ZMYND11: variants seen among roughly 807,000 people sequenced by gnomAD.
ZMYND11 encodes zinc finger MYND-type containing 11.
Under a neutral mutation model 84.9 loss-of-function variants are expected in ZMYND11, and 9 were observed. The ratio of observed to expected loss-of-function variants is 0.11; its 90% CI spans 0.06 to 0.18. The LOEUF is 0.18. Among genes scored for constraint, ZMYND11 ranks in the 10% least tolerant of loss-of-function variants. The pLI is 1.00. For missense variants in ZMYND11, 409 were observed against 761.0 expected, an observed-to-expected ratio of 0.54 and a Z score of 5.44; for synonymous variants, 250 against 244.1, an observed-to-expected ratio of 1.02 and a Z score of -0.23.
chr10:192,040 C>G (rs1348121902), intron 2 of ZMYND11, among the ~76,000 whole-genome samples: 1 of 152,164 alleles, frequency 6.6e-6, no homozygotes, highest in Non-Finnish European at 1.5e-5. Context: ...CATAGATATG[C>G]AAATCGAGAT....
intron 2 of ZMYND11, among the ~76,000 whole-genome samples, chr10:200,718 A>C (rs1039175805): frequency 1.9e-4 from 29 of 152,170 alleles, no homozygotes; most frequent in Admixed American, 3.9e-4. Context: ...TGCTTTCAAT[A>C]GCAGTGTGTT....
intron 2 of ZMYND11, among the ~76,000 whole-genome samples, chr10:188,571 A>G (rs1034427111): frequency 3.4e-5 from 5 of 146,910 alleles, no homozygotes; most frequent in Non-Finnish European, 7.5e-5. Flanking sequence ...CGGCCTGGGC[A>G]ACAGAGTGAG....
chr10:170,947 C>G (rs1564310594), intron 1 of ZMYND11, among the ~76,000 whole-genome samples: 1 of 151,918 alleles, frequency 6.6e-6, no homozygotes, highest in Non-Finnish European at 1.5e-5. Flanking sequence ...CTGCCAGAAA[C>G]CCACTTTAAA....
At chr10:196,447 A>C (rs570089194) in intron 2 of ZMYND11, among the ~76,000 whole-genome samples, 1 of 152,322 alleles carries the variant, frequency 6.6e-6, no homozygotes, top group African/African-American at 2.4e-5. Context: ...TAATCGAGTT[A>C]AAAATGAAAA....
rs146234855 is a variant in ZMYND11, at chr10:156,550, T to G, written c.-20+20991T>G. On this transcript the variant is annotated intron_variant, in intron 1 of 14. Coordinates refer to ENST00000381604, the MANE Select transcript of ZMYND11 (RefSeq NM_001370100.5). ...TTTTTCTTCTGTTCATGTGATTAAT[T>G]TCTTAGCATAAATATGCTATATGCT... Among the ~76,000 whole-genome samples the G allele has an allele frequency of 7.2e-5, 11 of 152,348 alleles. No homozygotes were observed. The East Asian group carries it at 2.1e-3, about 29-fold the overall frequency.
chr10:158,984 G>GTTTTTTTTTTTTTT (rs376931420), intron 1 of ZMYND11, among the ~76,000 whole-genome samples: 1 of 40,024 alleles, frequency 2.5e-5, no homozygotes, highest in Non-Finnish European at 5.2e-5. Flanking sequence ...AGGGTTTTTT[G>GTTTTTTTTTTTTTT]TTTTTTGTTT....
intron 2 of ZMYND11, among the ~76,000 whole-genome samples, chr10:208,236 G>A (rs1480505122): frequency 2.0e-5 from 3 of 152,132 alleles, no homozygotes; most frequent in Non-Finnish European, 4.4e-5. Flanking sequence ...CATAGGCATG[G>A]GCAAGGACTT....
chr10:227,313 T>C (rs936193729), intron 4 of ZMYND11, among the ~76,000 whole-genome samples: 1 of 152,150 alleles, frequency 6.6e-6, no homozygotes, highest in African/African-American at 2.4e-5. Context: ...GAATGATACA[T>C]GTTTTGCAGG....
chr10:242,449 A>G (rs1951187974), intron 10 of ZMYND11, among the ~76,000 whole-genome samples: 1 of 152,140 alleles, frequency 6.6e-6, no homozygotes, highest in African/African-American at 2.4e-5. Flanking sequence ...TAATGGAATT[A>G]CCATTACCAT....
intron 1 of ZMYND11, among the ~76,000 whole-genome samples, chr10:153,633 C>T (rs782692074): frequency 2.6e-5 from 4 of 152,158 alleles, no homozygotes; most frequent in Admixed American, 1.3e-4. Flanking sequence ...GCAAAGATTA[C>T]ATACTTTATT....
At chr10:197,883 T>C (rs1942182772) in intron 2 of ZMYND11, 1 of 566,472 alleles carries the variant, frequency 1.8e-6, no homozygotes, top group African/African-American at 1.9e-5. Context: ...AAAGTGACTA[T>C]CAAACTTACA....
At chr10:212,345 A>G (rs1270017511) in intron 3 of ZMYND11, among the ~76,000 whole-genome samples, 1 of 152,090 alleles carries the variant, frequency 6.6e-6, no homozygotes, top group Non-Finnish European at 1.5e-5. Flanking sequence ...TGTAAACCAA[A>G]CATATAGTAT....
intron 1 of ZMYND11, among the ~76,000 whole-genome samples, chr10:165,453 C>G (rs1441408387): frequency 6.6e-6 from 1 of 152,118 alleles, no homozygotes; most frequent in Non-Finnish European, 1.5e-5. Flanking sequence ...AGCTCACTAG[C>G]TCTATCTCCA....
chr10:171,628 A>G (rs2131639700), intron 1 of ZMYND11, among the ~76,000 whole-genome samples: 1 of 152,322 alleles, frequency 6.6e-6, no homozygotes, highest in South Asian at 2.1e-4. Flanking sequence ...TAGTTTATCA[A>G]AATCACATGA....
chr10:227,464 A>C (rs1004972601), intron 4 of ZMYND11, among the ~76,000 whole-genome samples: 1 of 152,148 alleles, frequency 6.6e-6, no homozygotes, highest in African/African-American at 2.4e-5. Flanking sequence ...TTGGGTACAG[A>C]CTGGCATGTC....
intron 1 of ZMYND11, 86 bp from the exon 2 acceptor site, chr10:179,908 A>C (rs1847472520): frequency 1.4e-6 from 1 of 710,136 alleles, no homozygotes; most frequent in African/African-American, 1.8e-5. Context: ...TCAATAGTTG[A>C]GAGGTCCTGA....
chr10:167,958 T>A (rs1278050304), intron 1 of ZMYND11, among the ~76,000 whole-genome samples: 2 of 152,164 alleles, frequency 1.3e-5, no homozygotes, highest in African/African-American at 4.8e-5. Context: ...ACTTAAACTC[T>A]ATACCCATTA....
At chr10:134,979 G>A (rs1458943107), upstream of ZMYND11, 3 of 149,564 alleles carry the variant, frequency 2.0e-5, no homozygotes, top group African/African-American at 7.3e-5. Context: ...CCAGCCGCTA[G>A]AGCCCCCAGT....
intron 1 of ZMYND11, among the ~76,000 whole-genome samples, chr10:175,546 G>C (rs537186725): frequency 6.6e-6 from 1 of 152,212 alleles, no homozygotes; most frequent in South Asian, 2.1e-4. Context: ...TCCAGCCTGG[G>C]TGACAAGAGC....
Sources: allele counts gnomAD v4.1 joint callset (sites outside exome capture counted in the v4.1 genomes callset), GRCh38; gene constraint gnomAD v4.1.1; transcripts MANE v1.5; gene names NCBI Gene and HGNC (gene_info 2026-07-23, HGNC 2026-07-21).